The following RECQL5 variants were observed in gnomAD, a reference collection of about 807,000 sequenced individuals.
The protein encoded by RECQL5 is RecQ like helicase 5.
A neutral mutation model predicts 103.4 loss-of-function variants in RECQL5; 88 were observed. That is an observed-to-expected ratio of 0.85 (90% CI 0.72 to 1.02). The LOEUF (loss-of-function observed/expected upper bound fraction) is 1.02, where lower values mean the gene tolerates loss of function less well. Among genes scored for constraint, RECQL5 ranks in the 50% least tolerant of loss-of-function variants. The pLI is 0.00. For missense variants in RECQL5, 1,232 were observed against 1,284.3 expected (o/e 0.96, Z 0.62); for synonymous variants, 552 against 507.9 (o/e 1.09, Z -1.17).
chr17:75,634,140 G>A (rs2059274854), intron 8 of RECQL5: 1 of 985,408 alleles, frequency 1.0e-6, no homozygotes. Context: ...GAAGTACGAG[G>A]ACAGCACGTG....
At chr17:75,647,417 C>T (rs528439456) in intron 8 of RECQL5, 17 of 1,549,718 alleles carry the variant, frequency 1.1e-5, no homozygotes, top group East Asian at 2.4e-5. Flanking sequence ...TGGAATGATG[C>T]GTTCTGGCAG....
chr17:75,664,912 C>CA (rs371470695), intron 3 of RECQL5, 139 bp downstream of exon 3: 95,121 of 921,776 alleles, frequency 0.1, 291 homozygotes, highest in African/African-American at 0.19. Flanking sequence ...GACTCTGTCT[C>CA]AAAAAAAAAA....
chr17:75,644,193 T>C (rs1463957388), intron 8 of RECQL5, among the ~76,000 whole-genome samples: 1 of 152,146 alleles, frequency 6.6e-6, no homozygotes, highest in Non-Finnish European at 1.5e-5. Flanking sequence ...TAGTCCCAGC[T>C]ACTCGGGAGG....
chr17:75,650,618 T>TG, intron 8 of RECQL5: 9 of 1,610,810 alleles, frequency 5.6e-6, no homozygotes, highest in Non-Finnish European at 7.6e-6. Flanking sequence ...AAACTCCTCC[T>TG]GGGTGTCTCT....
chr17:75,665,066 G>A lies in RECQL5; in HGVS notation c.237C>T (p.Leu79=). 1 of 1,603,510 alleles carries A rather than the reference G, an allele frequency of 6.2e-7. No individual in the cohort carries two copies. The highest frequency in any genetic ancestry group is 1.3e-5 in the African/African-American group (1 of 74,186). The part of the protein sequence containing the change: ...AKGITIVVSP[L]IALIQDQVDH... ...TAAGCCTCACCTGAATCAAAGCAAT[G>A]AGAGGAGAGACTACAATGGTGATGC... Residue 79 remains leucine, a synonymous_variant, in exon 3 of 20, where the codon CTC becomes CTT. Transcript: ENST00000317905.
rs374383046 is a variant in RECQL5, at chr17:75,627,905, G to A, written c.2806-213C>T. Among the ~76,000 whole-genome samples the A allele has an allele frequency of 1.1e-3, 170 of 152,166 alleles. 6 individuals carry two copies. The East Asian group carries it at 0.028, about 25-fold the overall frequency. On this transcript the variant is annotated intron_variant, in intron 18 of 19. Transcript: ENST00000317905. ...GTGGTGGCGGGTGCCTGTAGTCCCAGCTACTCGGGAGGCTGAGGCAGGAGA... is the reference window on the plus strand; with the variant it reads ...GTGGTGGCGGGTGCCTGTAGTCCCAACTACTCGGGAGGCTGAGGCAGGAGA...
intron 8 of RECQL5, among the ~76,000 whole-genome samples, chr17:75,643,280 C>T (rs916591038): frequency 3.3e-5 from 5 of 152,264 alleles, no homozygotes; most frequent in African/African-American, 4.8e-5. Flanking sequence ...TGCTCCAGGG[C>T]GGCTGAGGCT....
intron 7 of RECQL5, among the ~76,000 whole-genome samples, chr17:75,657,296 G>A (rs2043308561): frequency 6.6e-6 from 1 of 152,140 alleles, no homozygotes; most frequent in Admixed American, 6.5e-5. Context: ...GAGGCAGGAG[G>A]ATCACTCGAG....
At position 75,662,923 on chromosome 17, in the gene RECQL5, C is replaced by T. The variant is rs781080533; in HGVS notation, c.327G>A (p.Arg109=). 1.8e-5 allele frequency: 29 copies of T among 1,614,018 alleles called. No individual in the cohort carries two copies. Among genetic ancestry groups the T allele is most frequent in the Non-Finnish European group, 2.3e-5 (27 of 1,180,030 alleles). ...GCTCCAGGTCAGCAAGCAGCTCCTTCCTTTCCTGTGCAGAGAGCTTCGAGT... is the reference window on the plus strand; with the variant it reads ...GCTCCAGGTCAGCAAGCAGCTCCTTTCTTTCCTGTGCAGAGAGCTTCGAGT... ...SLNSKLSAQE[R]KELLADLERE... The change falls in exon 4 of 20, where the codon AGG becomes AGA. Residue 109 remains arginine (R), a synonymous_variant. Coordinates refer to ENST00000317905, the MANE Select transcript of RECQL5 (RefSeq NM_004259.7).
chr17:75,654,533 A>C (rs2059593577), intron 7 of RECQL5, among the ~76,000 whole-genome samples: 1 of 152,198 alleles, frequency 6.6e-6, no homozygotes, highest in Non-Finnish European at 1.5e-5. Flanking sequence ...ATGACATACC[A>C]GGGGAAAGTT....
intron 8 of RECQL5, chr17:75,650,474 T>C: frequency 1.4e-6 from 2 of 1,385,290 alleles, no homozygotes; most frequent in Non-Finnish European, 1.9e-6. Context: ...CAGTCTACCA[T>C]GAGCTTCGTG....
In RECQL5 at chr17:75,640,324, C is replaced by T; in HGVS notation, c.1230-8656G>A. On this transcript the variant is annotated intron_variant, in intron 8 of 19. Coordinates refer to ENST00000317905, the MANE Select transcript of RECQL5 (RefSeq NM_004259.7). This position sits in a 1 kb window ranked among gnomAD's most constrained non-coding sequence, Gnocchi z 4.6. Reference sequence around the variant, plus strand: ...TGGCCTTCTCAGTCATCATCCTTTTCACAGGTTAGTTGGGGCACTCAGCAC... The same window carrying T: ...TGGCCTTCTCAGTCATCATCCTTTTTACAGGTTAGTTGGGGCACTCAGCAC... 1 of 1,547,932 alleles carries T rather than the reference C, an allele frequency of 6.5e-7. No individual in the cohort carries two copies.
At chr17:75,661,119 C>T (rs540548846) in intron 5 of RECQL5, 53 bp from the exon 6 acceptor site, 81 of 1,446,180 alleles carry the variant, frequency 5.6e-5, no homozygotes, top group South Asian at 3.4e-4. Flanking sequence ...TTGGGTTTAC[C>T]GGGGGCCTAT....
At position 75,666,581 on chromosome 17, in the gene RECQL5, G is replaced by A. The variant is rs200993653; in HGVS notation, c.-14-10C>T. The A allele has an allele frequency of 4.3e-6, 7 of 1,612,178 alleles. No individual in the cohort carries two copies. In the South Asian group the frequency reaches 7.7e-5, roughly 18 times the overall value. On this transcript the variant is annotated splice_polypyrimidine_tract_variant and intron_variant, in intron 1 of 19. Coordinates refer to ENST00000317905, the MANE Select transcript of RECQL5 (RefSeq NM_004259.7). ...ATCTTAGCCAAGAACAGTGGCCAAAGGTTAAGGCAAAGGTAGTAAAAGGTT... is the reference window on the plus strand; with the variant it reads ...ATCTTAGCCAAGAACAGTGGCCAAAAGTTAAGGCAAAGGTAGTAAAAGGTT...
At position 75,634,147 on chromosome 17, in the gene RECQL5, C is replaced by T. The variant is rs1008475734; in HGVS notation, c.1230-2479G>A. On this transcript the variant is annotated intron_variant, in intron 8 of 19. Transcript: ENST00000317905. ...CCACGAAGGAAGTACGAGGACAGCA[C>T]GTGGAGGCTCCGCGCTGGGGCACTG... 1.4e-5 allele frequency: 14 copies of T among 985,398 alleles called. No individual in the cohort carries two copies. The East Asian group carries it at 3.4e-4, about 24-fold the overall frequency. 61.0% of individuals were successfully genotyped at this position (985,398 alleles called of 1,614,324 possible).
At chr17:75,631,775 C>A in intron 8 of RECQL5, 107 bp from the exon 9 acceptor site, 1 of 1,167,110 alleles carries the variant, frequency 8.6e-7, no homozygotes, top group South Asian at 1.4e-5. Context: ...GCGTCCGGCA[C>A]CATGCCGGGA....
chr17:75,651,229 T>G lies in RECQL5; in HGVS notation c.1186A>C (p.Ile396Leu). 4 of 1,614,220 alleles carry G rather than the reference T, an allele frequency of 2.5e-6. No homozygotes were observed. Among genetic ancestry groups the G allele is most frequent in the Non-Finnish European group, 3.4e-6 (4 of 1,180,036 alleles). Reference sequence around the variant, plus strand: ...GTCACCAGGGCATCAAAGGCCATGATAGTGGCTTTATCAGATGCTTTGTTT... The same window carrying G: ...GTCACCAGGGCATCAAAGGCCATGAGAGTGGCTTTATCAGATGCTTTGTTT... ...RGNKASDKAT[I>L]MAFDALVTFC... The change falls in exon 8 of 20, where the codon ATC becomes CTC. Residue 396 changes from isoleucine to leucine, a missense_variant. Transcript: ENST00000317905.
chr17:75,664,682 G>A (rs1282097192), intron 3 of RECQL5, among the ~76,000 whole-genome samples: 1 of 152,166 alleles, frequency 6.6e-6, no homozygotes, highest in African/African-American at 2.4e-5. Context: ...GGAGGCCGAG[G>A]TGGGCGGATC....
intron 8 of RECQL5, among the ~76,000 whole-genome samples, chr17:75,648,507 G>C (rs1394480873): frequency 6.6e-6 from 1 of 151,388 alleles, no homozygotes; most frequent in Non-Finnish European, 1.5e-5. Context: ...CGAGTAGCTG[G>C]GACTACAGGC....
Sources: allele counts gnomAD v4.1 joint callset (sites outside exome capture counted in the v4.1 genomes callset), GRCh38; gene constraint gnomAD v4.1.1; non-coding constraint Gnocchi (gnomAD v3.1); transcripts MANE v1.5; gene names NCBI Gene and HGNC (gene_info 2026-07-23, HGNC 2026-07-21).